AGBL4: variants seen among roughly 807,000 people sequenced by gnomAD.
AGBL4 encodes AGBL carboxypeptidase 4.
In AGBL4, 58 loss-of-function variants were observed where a neutral mutation model predicts 66.4. The observed-to-expected ratio is 0.87, with a 90% CI of 0.71 to 1.09. The LOEUF is 1.09. Ranked by LOEUF, AGBL4 falls within the 50% of genes least tolerant of loss-of-function variation. AGBL4 has a pLI of 0.00. For synonymous variants in AGBL4, 234 were observed against 222.9 expected (o/e 1.05, Z -0.44); for missense variants, 579 against 631.0 (o/e 0.92, Z 0.88).
intron 6 of AGBL4, among the ~76,000 whole-genome samples, chr1:48,778,926 C>G (rs1477090959): frequency 2.6e-5 from 4 of 152,124 alleles, no homozygotes; most frequent in South Asian, 2.1e-4. Flanking sequence ...AAATGACCAC[C>G]ACTTGTCCTG....
At chr1:49,426,226 A>G (rs1228289291) in intron 3 of AGBL4, among the ~76,000 whole-genome samples, 4 of 152,234 alleles carry the variant, frequency 2.6e-5, no homozygotes, top group African/African-American at 9.6e-5. Flanking sequence ...GAGTAGTGAT[A>G]AAATGAAAAG....
At chr1:48,799,908 T>A (rs1284954091) in intron 6 of AGBL4, among the ~76,000 whole-genome samples, 1 of 152,212 alleles carries the variant, frequency 6.6e-6, no homozygotes, top group Admixed American at 6.5e-5. Context: ...GCTAGTGTTT[T>A]GCTGAGGATT....
chr1:49,740,006 A>T (rs1325192836), intron 2 of AGBL4, among the ~76,000 whole-genome samples: 1 of 152,306 alleles, frequency 6.6e-6, no homozygotes, highest in East Asian at 1.9e-4. Flanking sequence ...AACAAGCAAA[A>T]TAACCAGCTA....
chr1:49,260,473 G>C (rs1653026459), intron 3 of AGBL4, among the ~76,000 whole-genome samples: 1 of 151,872 alleles, frequency 6.6e-6, no homozygotes, highest in African/African-American at 2.4e-5. Context: ...TGATAAAGGG[G>C]ATATCACCAC....
At chr1:49,480,787 T>G (rs996350782) in intron 3 of AGBL4, among the ~76,000 whole-genome samples, 7 of 152,140 alleles carry the variant, frequency 4.6e-5, no homozygotes, top group African/African-American at 1.7e-4. Flanking sequence ...ATTTACGTCT[T>G]TAATCCATCT....
intron 1 of AGBL4, among the ~76,000 whole-genome samples, chr1:49,860,487 C>T (rs577796318): frequency 1.3e-5 from 2 of 152,306 alleles, no homozygotes; most frequent in East Asian, 3.9e-4. Context: ...CGCTTCAGCC[C>T]AGAAGTTTGA....
chr1:48,936,598 G>A (rs1433521667), intron 5 of AGBL4, among the ~76,000 whole-genome samples: 1 of 152,154 alleles, frequency 6.6e-6, no homozygotes, highest in Non-Finnish European at 1.5e-5. Context: ...AGTTCTTGAG[G>A]AAGGCTTGAG....
At chr1:49,583,712 G>A (rs1644591092) in intron 3 of AGBL4, among the ~76,000 whole-genome samples, 3 of 151,992 alleles carry the variant, frequency 2.0e-5, no homozygotes, top group Admixed American at 2.0e-4. Context: ...AGTGTTGAGA[G>A]TTAAAAAAAA....
chr1:49,286,939 A>T (rs1365459703), intron 3 of AGBL4, among the ~76,000 whole-genome samples: 7 of 152,164 alleles, frequency 4.6e-5, no homozygotes, highest in Admixed American at 2.0e-4. Context: ...AGCTGGAGGC[A>T]TCACGCTACC....
At chr1:49,343,757 T>C (rs139621056) in intron 3 of AGBL4, among the ~76,000 whole-genome samples, 5 of 152,356 alleles carry the variant, frequency 3.3e-5, no homozygotes, top group East Asian at 3.9e-4. Context: ...TTATGTGTCA[T>C]GTGTGAAGTT....
At chr1:49,911,755 T>C (rs993255187) in intron 1 of AGBL4, among the ~76,000 whole-genome samples, 2 of 152,152 alleles carry the variant, frequency 1.3e-5, no homozygotes, top group African/African-American at 4.8e-5. Context: ...ACAGTCCCAT[T>C]TGGCCTTGAG....
At chr1:49,295,070 A>T (rs1350490959) in intron 3 of AGBL4, among the ~76,000 whole-genome samples, 5 of 152,208 alleles carry the variant, frequency 3.3e-5, no homozygotes, top group African/African-American at 9.6e-5. Flanking sequence ...TGAATGTAGA[A>T]CTATTATTCA....
chr1:48,531,878 G>A (rs1643908481), downstream of AGBL4, among the ~76,000 whole-genome samples: 1 of 152,118 alleles, frequency 6.6e-6, no homozygotes, highest in Admixed American at 6.5e-5. Context: ...TCACCTCCCA[G>A]GTTCAAGCAA....
chr1:49,329,999 T>A (rs1469512634), intron 3 of AGBL4, among the ~76,000 whole-genome samples: 1 of 152,220 alleles, frequency 6.6e-6, no homozygotes, highest in African/African-American at 2.4e-5. Context: ...CAGAAAATGC[T>A]TGTTGAATGA....
intron 1 of AGBL4, among the ~76,000 whole-genome samples, chr1:49,986,915 C>A (rs1473206433): frequency 2.0e-5 from 3 of 151,980 alleles, no homozygotes; most frequent in Non-Finnish European, 2.9e-5. Flanking sequence ...AAATTATAAT[C>A]TTTCTTTCTT....
At chr1:49,287,271 C>T (rs1324536985) in intron 3 of AGBL4, among the ~76,000 whole-genome samples, 21 of 142,034 alleles carry the variant, frequency 1.5e-4, no homozygotes, top group Non-Finnish European at 2.4e-4. Context: ...TAGAAGAAAA[C>T]CTAGGCATTA....
intron 2 of AGBL4, among the ~76,000 whole-genome samples, chr1:49,811,620 A>G (rs1209426198): frequency 6.6e-6 from 1 of 152,048 alleles, no homozygotes; most frequent in Non-Finnish European, 1.5e-5. Context: ...TATTCACCAT[A>G]TTATTAAAAA....
intron 5 of AGBL4, among the ~76,000 whole-genome samples, chr1:48,913,628 A>C (rs1034290972): frequency 1.3e-5 from 2 of 152,168 alleles, no homozygotes; most frequent in African/African-American, 4.8e-5. Context: ...TCACCCCCAG[A>C]TGGGACTGTT....
intron 2 of AGBL4, chr1:49,845,380 C>A: frequency 7.2e-7 from 1 of 1,386,876 alleles, no homozygotes; most frequent in Non-Finnish European, 1.0e-6. Context: ...CTTTAGCCAA[C>A]ACAAGTGAAC....
Sources: allele counts gnomAD v4.1 joint callset (sites outside exome capture counted in the v4.1 genomes callset), GRCh38; gene constraint gnomAD v4.1.1; transcripts MANE v1.5; gene names NCBI Gene and HGNC (gene_info 2026-07-23, HGNC 2026-07-21).